The following PARVA variants were observed in gnomAD, a reference collection of about 807,000 sequenced individuals.
PARVA encodes the protein alpha-parvin.
PARVA carries 25 observed loss-of-function variants against 52.6 expected under a neutral mutation model. The observed-to-expected ratio is 0.48, with a 90% confidence interval of 0.35 to 0.66. PARVA has a LOEUF of 0.66. PARVA is among the 30% of genes least tolerant of loss of function. The pLI is 0.01. For missense variants in PARVA, 373 were observed against 450.9 expected (o/e 0.83, Z 1.56); for synonymous variants, 185 against 179.1 (o/e 1.03, Z -0.26).
intron 1 of PARVA, among the ~76,000 whole-genome samples, chr11:12,396,608 G>T (rs1024705713): frequency 6.6e-6 from 1 of 152,194 alleles, no homozygotes; most frequent in African/African-American, 2.4e-5. Context: ...TTAAAACAGG[G>T]CCTGGCCCTC....
At chr11:12,513,120 C>CACCCCAAATCTTA (rs748824725) in intron 8 of PARVA, 179 bp from the exon 9 acceptor site, 1 of 713,498 alleles carries the variant, frequency 1.4e-6, no homozygotes, top group African/African-American at 1.7e-5. Flanking sequence ...GGGTGAGAAT[C>CACCCCAAATCTTA]ACCCCAAATC....
chr11:12,491,473 T>C (rs1941233185), intron 4 of PARVA, among the ~76,000 whole-genome samples: 1 of 152,134 alleles, frequency 6.6e-6, no homozygotes, highest in African/African-American at 2.4e-5. Context: ...CCAGCTGAGA[T>C]AGTTTTAATA....
At position 12,477,204 on chromosome 11, in the gene PARVA, C is replaced by G. The variant is rs570177742; in HGVS notation, c.298-643C>G. On this transcript the variant is annotated intron_variant, in intron 3 of 12. Transcript: ENST00000334956. ...TTGACCTCCCGGTTCAAGCAATTCT[C>G]CTACCTCAGCCACCCAAGTAGCTGG... 6 of 152,314 alleles carry G rather than the reference C, an allele frequency of 3.9e-5. No homozygotes were observed. In the East Asian group the frequency reaches 1.2e-3, roughly 30 times the overall value. The allele number at this position is 152,314 out of a possible 1,614,324, so 9.4% of individuals were successfully genotyped here.
intron 1 of PARVA, among the ~76,000 whole-genome samples, chr11:12,440,985 A>G (rs1465842522): frequency 6.6e-6 from 1 of 152,262 alleles, no homozygotes; most frequent in African/African-American, 2.4e-5. Flanking sequence ...AACCTAACAT[A>G]GCGCATGATA....
In PARVA at chr11:12,473,861, G is replaced by T. The variant is rs377188915; in HGVS notation, c.226+27G>T. 117 of 1,563,090 alleles carry T rather than the reference G, an allele frequency of 7.5e-5. No individual in the cohort carries two copies. The highest frequency in any genetic ancestry group is 1.0e-4 in the Non-Finnish European group (116 of 1,152,750). ...TAACTGTGCTCTTGTCTCTGAATTC[G>T]CTTAAGCTTTCCCATGCCAGCACCC... On this transcript the variant is annotated intron_variant, in intron 2 of 12. Transcript: ENST00000334956.
At chr11:12,487,889 A>G (rs1327650691) in intron 4 of PARVA, among the ~76,000 whole-genome samples, 3 of 152,162 alleles carry the variant, frequency 2.0e-5, no homozygotes, top group Admixed American at 6.5e-5. Context: ...AACTGTCTCT[A>G]TGAATGGGAC....
chr11:12,438,277 G>A (rs1288433737), intron 1 of PARVA, among the ~76,000 whole-genome samples: 19 of 145,820 alleles, frequency 1.3e-4, no homozygotes, highest in African/African-American at 4.6e-4. Context: ...AAAAAAAAAA[G>A]AATACCATAC....
chr11:12,532,095 G>A lies in PARVA; in HGVS notation c.*4170G>A, dbSNP rs553321051. ...TACAGTGGTGGTCGCATATGTGAACGTGTGCATGCGTGTTCACGTGTTCAT... is the reference window on the plus strand; with the variant it reads ...TACAGTGGTGGTCGCATATGTGAACATGTGCATGCGTGTTCACGTGTTCAT... On this transcript the variant is annotated 3_prime_UTR_variant, in exon 13 of 13. Coordinates refer to ENST00000334956, the MANE Select transcript of PARVA (RefSeq NM_018222.5). 3.3e-5 allele frequency among the ~76,000 whole-genome samples: 5 copies of A among 152,190 alleles called. No homozygotes were observed. Among genetic ancestry groups the A allele is most frequent in the South Asian group, 2.1e-4 (1 of 4,830 alleles).
intron 1 of PARVA, among the ~76,000 whole-genome samples, chr11:12,442,681 G>A (rs562885144): frequency 6.6e-6 from 1 of 152,014 alleles, no homozygotes; most frequent in African/African-American, 2.4e-5. Context: ...TATTCACCAG[G>A]CCCACTGAGA....
chr11:12,427,584 G>C (rs1940255695), intron 1 of PARVA, among the ~76,000 whole-genome samples: 1 of 152,092 alleles, frequency 6.6e-6, no homozygotes, highest in African/African-American at 2.4e-5. Context: ...CTTTAGAAAT[G>C]TTTTCATCTA....
chr11:12,445,172 A>C (rs1340657963), intron 1 of PARVA, among the ~76,000 whole-genome samples: 1 of 152,150 alleles, frequency 6.6e-6, no homozygotes, highest in African/African-American at 2.4e-5. Context: ...ACCATGGCAC[A>C]CTCCAATTGA....
At chr11:12,387,529 T>G (rs1000163499) in intron 1 of PARVA, among the ~76,000 whole-genome samples, 24 of 147,418 alleles carry the variant, frequency 1.6e-4, no homozygotes, top group African/African-American at 6.0e-4. Context: ...AGTCCCCAGA[T>G]TCTATCCAGG....
At chr11:12,440,253 G>T (rs1022934812) in intron 1 of PARVA, among the ~76,000 whole-genome samples, 2 of 152,152 alleles carry the variant, frequency 1.3e-5, no homozygotes, top group Non-Finnish European at 2.9e-5. Flanking sequence ...ATTGGTGCTG[G>T]CCCCGTGAGT....
At chr11:12,414,368 G>T (rs1940034711) in intron 1 of PARVA, among the ~76,000 whole-genome samples, 2 of 151,798 alleles carry the variant, frequency 1.3e-5, no homozygotes, top group African/African-American at 4.9e-5. Flanking sequence ...AAGTTTGAGT[G>T]GTTTAAATGC....
At chr11:12,460,417 G>A (rs959453424) in intron 1 of PARVA, among the ~76,000 whole-genome samples, 1 of 152,122 alleles carries the variant, frequency 6.6e-6, no homozygotes, top group Admixed American at 6.5e-5. Context: ...AAGATTATAT[G>A]AGTTAATACA....
intron 1 of PARVA, among the ~76,000 whole-genome samples, chr11:12,459,256 T>A (rs1940741063): frequency 6.6e-6 from 1 of 151,432 alleles, no homozygotes; most frequent in Non-Finnish European, 1.5e-5. Flanking sequence ...AATACAAAAA[T>A]TAGCTGGGCA....
chr11:12,484,463 C>T (rs1470547987), intron 4 of PARVA, among the ~76,000 whole-genome samples: 1 of 151,430 alleles, frequency 6.6e-6, no homozygotes, highest in African/African-American at 2.4e-5. Context: ...CCAAAAGTTT[C>T]CCTGTGGCAG....
At chr11:12,396,916 T>A (rs1939755745) in intron 1 of PARVA, among the ~76,000 whole-genome samples, 1 of 130,068 alleles carries the variant, frequency 7.7e-6, no homozygotes, top group African/African-American at 3.2e-5. Context: ...CTCCTTTCCT[T>A]TCATGTACTT....
At chr11:12,387,788 C>T (rs1939600926) in intron 1 of PARVA, among the ~76,000 whole-genome samples, 1 of 151,816 alleles carries the variant, frequency 6.6e-6, no homozygotes, top group Non-Finnish European at 1.5e-5. Context: ...AGGGGGTGAC[C>T]AGATGGAATG....
Sources: allele counts gnomAD v4.1 joint callset (sites outside exome capture counted in the v4.1 genomes callset), GRCh38; gene constraint gnomAD v4.1.1; transcripts MANE v1.5; gene names NCBI Gene and HGNC (gene_info 2026-07-23, HGNC 2026-07-21).